The following CACNA1D variants were observed in gnomAD, a reference collection of about 807,000 sequenced individuals.
CACNA1D encodes voltage-dependent L-type calcium channel subunit alpha-1D.
A neutral mutation model predicts 257.1 loss-of-function variants in CACNA1D; 55 were observed. The observed-to-expected ratio is 0.21, with a 90% CI of 0.17 to 0.27. CACNA1D has a LOEUF of 0.27. Ranked by LOEUF, CACNA1D falls within the 10% of genes least tolerant of loss-of-function variation. The pLI is 1.00. For missense variants in CACNA1D, 1,876 were observed against 2,784.0 expected, an observed-to-expected ratio of 0.67 and a Z score of 7.34; for synonymous variants, 980 against 1,014.9, an observed-to-expected ratio of 0.97 and a Z score of 0.65.
At chr3:53,523,713 C>T (rs1380296475) in intron 3 of CACNA1D, among the ~76,000 whole-genome samples, 2 of 152,250 alleles carry the variant, frequency 1.3e-5, no homozygotes, top group Non-Finnish European at 2.9e-5. Flanking sequence ...CTTTGCCACT[C>T]TCATAATTAG....
intron 8 of CACNA1D, among the ~76,000 whole-genome samples, chr3:53,698,065 C>T (rs555347016): frequency 2.6e-5 from 4 of 152,286 alleles, no homozygotes; most frequent in East Asian, 1.9e-4. Flanking sequence ...TATGCATTTC[C>T]GTACACATAT....
At chr3:53,725,192 C>A (rs182855358) in intron 14 of CACNA1D, among the ~76,000 whole-genome samples, 1 of 152,202 alleles carries the variant, frequency 6.6e-6, no homozygotes, top group Admixed American at 6.5e-5. Context: ...AGGAGACTTT[C>A]CACAGACAGG....
chr3:53,796,396 A>G, intron 40 of CACNA1D: 1 of 456,198 alleles, frequency 2.2e-6, no homozygotes, highest in Admixed American at 2.3e-5. Context: ...CTCCACTGCT[A>G]CAGCGTAGGT....
chr3:53,736,847 C>T (rs6788386), intron 20 of CACNA1D, among the ~76,000 whole-genome samples: 3 of 150,752 alleles, frequency 2.0e-5, no homozygotes, highest in Non-Finnish European at 4.4e-5. Context: ...GTGTTCACAC[C>T]ACTGTATTCC....
chr3:53,723,959 C>T lies in CACNA1D; in HGVS notation c.2060C>T (p.Thr687Ile), dbSNP rs777521727. 5 of 1,614,162 alleles carry T rather than the reference C, an allele frequency of 3.1e-6. No individual in the cohort carries two copies. The highest frequency in any genetic ancestry group is 4.5e-5 in the East Asian group (2 of 44,886). The change falls in exon 14 of 48, where the codon ACC (threonine) becomes ATC (isoleucine). Residue 687 changes from threonine to isoleucine, a missense_variant. Thr to Ile is a moderately conservative substitution (Grantham distance 89). Transcript: ENST00000350061. The surrounding 1 kb of genome is among the most constrained non-coding windows in gnomAD (Gnocchi z 5.6). Reference sequence around the variant, plus strand: ...GATGAAACGCAAACCAAGCGGAGCACCTTTGACAATTTCCCTCAAGCACTT... The same window carrying T: ...GATGAAACGCAAACCAAGCGGAGCATCTTTGACAATTTCCCTCAAGCACTT... ...NFDETQTKRS[T>I]FDNFPQALLT...
intron 3 of CACNA1D, among the ~76,000 whole-genome samples, chr3:53,579,515 G>T (rs2093094904): frequency 1.3e-5 from 2 of 152,222 alleles, no homozygotes; most frequent in South Asian, 4.1e-4. Flanking sequence ...GGTTTGAGAA[G>T]TGGCTATTTT....
intron 3 of CACNA1D, among the ~76,000 whole-genome samples, chr3:53,631,100 T>C (rs2093817912): frequency 1.3e-5 from 2 of 152,196 alleles, no homozygotes; most frequent in South Asian, 4.1e-4. Context: ...GGGGTGGCCG[T>C]GGCAATTTCT....
chr3:53,691,703 A>G (rs1437143365), intron 8 of CACNA1D, among the ~76,000 whole-genome samples: 1 of 54,900 alleles, frequency 1.8e-5, no homozygotes, highest in Non-Finnish European at 3.4e-5. Flanking sequence ...TATATATTAC[A>G]TATATAATAT....
At chr3:53,584,366 G>A (rs1051671030) in intron 3 of CACNA1D, among the ~76,000 whole-genome samples, 5 of 152,196 alleles carry the variant, frequency 3.3e-5, no homozygotes, top group Non-Finnish European at 7.3e-5. Flanking sequence ...GCATGGGGCT[G>A]GGGTCAGAGG....
intron 8 of CACNA1D, among the ~76,000 whole-genome samples, chr3:53,692,038 A>G (rs1309322094): frequency 1.4e-5 from 2 of 146,612 alleles, no homozygotes; most frequent in Non-Finnish European, 3.0e-5. Context: ...ACTGTGGCCA[A>G]ATACACCCAG....
At chr3:53,612,431 G>A (rs1314851347) in intron 3 of CACNA1D, among the ~76,000 whole-genome samples, 15 of 152,068 alleles carry the variant, frequency 9.9e-5, no homozygotes, top group Admixed American at 9.8e-4. Flanking sequence ...CACCTTTTAG[G>A]GTCTCTGCCT....
Position 53,749,240 on chromosome 3 carries a change from G to C in CACNA1D, c.3315-28G>C, listed in dbSNP as rs181761495. On this transcript the variant is annotated intron_variant, in intron 26 of 47. Transcript: ENST00000350061. ...GCCGTGTGGGCTGGGGGGCTTGGCA[G>C]GTCCTCACTTGGTTTTTCTCTCTCT... 1.8e-4 allele frequency: 278 copies of C among 1,557,526 alleles called. No individual in the cohort carries two copies. In the African/African-American group the frequency reaches 3.5e-3, roughly 19 times the overall value.
chr3:53,787,086 C>A, intron 40 of CACNA1D, 134 bp downstream of exon 40: 1 of 895,542 alleles, frequency 1.1e-6, no homozygotes, highest in Non-Finnish European at 1.7e-6. Flanking sequence ...CTACACACTC[C>A]CCCAAATGTG....
chr3:53,810,166 C>A lies in CACNA1D; in HGVS notation c.6060C>A (p.His2020Gln). 6.2e-7 allele frequency: 1 copy of A among 1,614,014 alleles called. No homozygotes were observed. Among genetic ancestry groups the A allele is most frequent in the Non-Finnish European group, 8.5e-7 (1 of 1,180,034 alleles). Reference sequence around the variant, plus strand: ...TGAACGGCAGCCTGCCGTCCCTGCACCGCAGCTCCTGGTACACAGACGAGC... The same window carrying A: ...TGAACGGCAGCCTGCCGTCCCTGCAACGCAGCTCCTGGTACACAGACGAGC... ...DQVNGSLPSL[H>Q]RSSWYTDEPD... is the part of the protein sequence containing the mutation. The change falls in exon 47 of 48, where the codon CAC becomes CAA. Residue 2020 changes from histidine to glutamine, a missense_variant. Physicochemically the swap from His to Gln is conservative, Grantham distance 24. Transcript: ENST00000350061.
In CACNA1D at chr3:53,497,442, A is replaced by G; in HGVS notation, c.358A>G (p.Ile120Val). The G allele has an allele frequency of 1.9e-6, 3 of 1,614,182 alleles. No homozygotes were observed. The highest frequency in any genetic ancestry group is 2.5e-6 in the Non-Finnish European group (3 of 1,180,034). The change falls in exon 2 of 48, where the codon ATT becomes GTT. Residue 120 changes from isoleucine (I) to valine (V), a missense_variant. This residue lies in a region of CACNA1D where 143 missense variants were observed against 168.7 expected (regional missense o/e 0.85). Transcript: ENST00000350061. ...SLNNPIRRAC[I>V]SIVEWKPFDI... ...CAATAACCCCATCCGAAGAGCCTGCATTAGTATAGTGGAATGGAAGTATCC... is the reference window on the plus strand; with the variant it reads ...CAATAACCCCATCCGAAGAGCCTGCGTTAGTATAGTGGAATGGAAGTATCC...
intron 3 of CACNA1D, among the ~76,000 whole-genome samples, chr3:53,563,999 A>C (rs1268179628): frequency 6.6e-6 from 1 of 152,242 alleles, no homozygotes; most frequent in East Asian, 1.9e-4. Flanking sequence ...CCAATAATTT[A>C]TAGATGCTAA....
intron 3 of CACNA1D, among the ~76,000 whole-genome samples, chr3:53,516,267 C>T (rs1014628393): frequency 2.0e-5 from 3 of 152,212 alleles, no homozygotes; most frequent in Middle Eastern, 3.2e-3. Flanking sequence ...TTTTCCTATA[C>T]CCCCCTTGAA....
intron 8 of CACNA1D, among the ~76,000 whole-genome samples, chr3:53,697,385 G>A (rs1391311017): frequency 1.3e-5 from 2 of 152,142 alleles, no homozygotes; most frequent in Non-Finnish European, 2.9e-5. Flanking sequence ...TATATGAAGT[G>A]GCGCCAAGGG....
At chr3:53,556,377 G>C (rs189229049) in intron 3 of CACNA1D, among the ~76,000 whole-genome samples, 1 of 152,312 alleles carries the variant, frequency 6.6e-6, no homozygotes, top group East Asian at 1.9e-4. Context: ...GTGTATGAGA[G>C]CTATAGTTGC....
Sources: gnomAD v4.1 joint callset for allele counts (sites outside exome capture counted in the v4.1 genomes callset) on GRCh38, gnomAD v4.1.1 for gene constraint, gnomAD v4.1.1 regional missense constraint, Gnocchi (gnomAD v3.1) non-coding constraint, MANE v1.5 for transcripts, NCBI Gene and HGNC (gene_info 2026-07-23, HGNC 2026-07-21) for gene names.